The following DCTD variants were observed in gnomAD, a reference collection of about 807,000 sequenced individuals.
DCTD encodes dCMP deaminase.
DCTD carries 23 observed loss-of-function variants against 21.0 expected under a neutral mutation model. That is an observed-to-expected ratio of 1.09 (90% CI 0.79 to 1.55). The LOEUF is 1.55. Among genes scored for constraint, DCTD ranks in the 40% most tolerant of loss-of-function variants. The pLI is 0.00. For missense variants in DCTD, 224 were observed against 230.0 expected (o/e 0.97, Z 0.17); for synonymous variants, 71 against 81.1 (o/e 0.88, Z 0.67).
chr4:182,892,924 C>T (rs1243236896), intron 5 of DCTD, 107 bp downstream of exon 5: 1 of 701,682 alleles, frequency 1.4e-6, no homozygotes, highest in Non-Finnish European at 2.6e-6. Context: ...TCTAAAGACA[C>T]CTCCAAGTGT....
chr4:182,908,699 A>C (rs1737160444), intron 3 of DCTD, among the ~76,000 whole-genome samples: 1 of 150,504 alleles, frequency 6.6e-6, no homozygotes, highest in East Asian at 2.0e-4. Context: ...AAAAAAAAAA[A>C]AAAAAAGAAG....
At chr4:182,902,628 G>A (rs975188642) in intron 3 of DCTD, among the ~76,000 whole-genome samples, 9 of 152,250 alleles carry the variant, frequency 5.9e-5, no homozygotes, top group Non-Finnish European at 8.8e-5. Flanking sequence ...CAGGACTGGA[G>A]CAAGAAAATA....
At chr4:182,912,610 T>A (rs1737903302) in intron 3 of DCTD, among the ~76,000 whole-genome samples, 2 of 152,292 alleles carry the variant, frequency 1.3e-5, no homozygotes, top group African/African-American at 2.4e-5. Flanking sequence ...TGCAGGTTTT[T>A]AAAAAAATTC....
At chr4:182,897,816 A>G (rs1388439131) in intron 3 of DCTD, among the ~76,000 whole-genome samples, 1 of 152,146 alleles carries the variant, frequency 6.6e-6, no homozygotes, top group Non-Finnish European at 1.5e-5. Context: ...TGAGGCCGCA[A>G]CCCAGCCCTG....
intron 3 of DCTD, 46 bp from the exon 4 acceptor site, chr4:182,894,651 T>C: frequency 8.2e-7 from 1 of 1,224,146 alleles, no homozygotes; most frequent in Non-Finnish European, 1.2e-6. Flanking sequence ...TTGCAGCTCA[T>C]GAAGAATTTA....
intron 3 of DCTD, among the ~76,000 whole-genome samples, chr4:182,900,998 T>A (rs78405737): frequency 4.6e-5 from 7 of 152,202 alleles, no homozygotes; most frequent in African/African-American, 1.2e-4. Flanking sequence ...ATCCTTACTG[T>A]CTCATGTAGG....
At chr4:182,912,555 G>A (rs1228987146) in intron 3 of DCTD, among the ~76,000 whole-genome samples, 3 of 152,270 alleles carry the variant, frequency 2.0e-5, no homozygotes, top group East Asian at 3.9e-4. Flanking sequence ...AGGAGCTCAG[G>A]AGCTATTCAA....
At chr4:182,912,445 A>G (rs1361864363) in intron 3 of DCTD, among the ~76,000 whole-genome samples, 1 of 152,228 alleles carries the variant, frequency 6.6e-6, no homozygotes, top group East Asian at 1.9e-4. Flanking sequence ...TAACACAGCT[A>G]CATATAAATG....
At chr4:182,892,157 C>T (rs557273245) in intron 5 of DCTD, among the ~76,000 whole-genome samples, 21 of 152,236 alleles carry the variant, frequency 1.4e-4, no homozygotes, top group African/African-American at 5.1e-4. Context: ...TCCCTAATGA[C>T]CAGCACAAGG....
chr4:182,917,139 C>A lies in DCTD; in HGVS notation c.-8+172G>T, dbSNP rs146503198. The A allele has an allele frequency of 3.6e-3, 3,597 of 987,864 alleles. 91 individuals carry two copies. In the African/African-American group the frequency reaches 0.056, roughly 15 times the overall value. 61.2% of individuals were successfully genotyped at this position (987,864 alleles called of 1,614,324 possible). ...TGCGGGGACCCCGAGCGCCCCCACC[C>A]CGCCCGCATTCTCCGATCTAAAGGC... is the stretch of plus-strand genomic sequence containing the variant. On this transcript the variant is annotated intron_variant, in intron 1 of 5. Transcript: ENST00000438320. The surrounding 1 kb of genome is among the most constrained non-coding windows in gnomAD (Gnocchi z 4.9).
intron 3 of DCTD, among the ~76,000 whole-genome samples, chr4:182,908,194 T>C (rs1481964800): frequency 2.0e-5 from 3 of 151,968 alleles, no homozygotes; most frequent in African/African-American, 7.3e-5. Flanking sequence ...TGAAGGGAGA[T>C]TCCGGATTAA....
intron 3 of DCTD, among the ~76,000 whole-genome samples, chr4:182,908,703 A>AAAAAAG (rs1561339276): frequency 7.4e-6 from 1 of 134,846 alleles, no homozygotes; most frequent in African/African-American, 2.8e-5. Flanking sequence ...AAAAAAAAAA[A>AAAAAAG]AAGAAGAAGA....
At chr4:182,895,416 T>C (rs1215948196) in intron 3 of DCTD, among the ~76,000 whole-genome samples, 1 of 152,202 alleles carries the variant, frequency 6.6e-6, no homozygotes, top group Non-Finnish European at 1.5e-5. Flanking sequence ...TAAATGGCAA[T>C]GACTAGTTGA....
rs1258806042 is a variant in DCTD at position 182,917,386 on chromosome 4, G to A, written c.-83C>T. On this transcript the variant is annotated 5_prime_UTR_variant, in exon 1 of 6. Coordinates refer to ENST00000438320, the MANE Select transcript of DCTD (RefSeq NM_001921.3). The surrounding 1 kb of genome is among the most constrained non-coding windows in gnomAD (Gnocchi z 4.9). Reference sequence around the variant, plus strand: ...GTGCTCAGGGAAGGAAGTCGGGGGAGGAGGCGGGGCCGCCGCGGGGCCGGA... The same window carrying A: ...GTGCTCAGGGAAGGAAGTCGGGGGAAGAGGCGGGGCCGCCGCGGGGCCGGA... 1 of 1,087,230 alleles carries A rather than the reference G, an allele frequency of 9.2e-7. No individual in the cohort carries two copies. Among genetic ancestry groups the A allele is most frequent in the Non-Finnish European group, 1.1e-6 (1 of 895,642 alleles). 67.3% of individuals were successfully genotyped at this position (1,087,230 alleles called of 1,614,324 possible). A position where few individuals can be genotyped will look rare whatever the true frequency, so the allele number is the denominator to read the frequency against.
Position 182,917,060 on chromosome 4 carries a change from G to A in DCTD, c.-8+251C>T. ...CACCACCTCCCGGGGCACTCCAAGG[G>A]GCCCGGCCTCGCACAGGCCGCGGCG... On this transcript the variant is annotated intron_variant, in intron 1 of 5. Coordinates refer to ENST00000438320, the MANE Select transcript of DCTD (RefSeq NM_001921.3). The surrounding 1 kb of genome is among the most constrained non-coding windows in gnomAD (Gnocchi z 4.9). The A allele has an allele frequency of 1.0e-6, 1 of 987,198 alleles. No homozygotes were observed. Among genetic ancestry groups the A allele is most frequent in the Non-Finnish European group, 1.2e-6 (1 of 831,236 alleles). 61.2% of individuals were successfully genotyped at this position (987,198 alleles called of 1,614,324 possible).
At chr4:182,915,909 CAGG>C (rs1295923603) in intron 1 of DCTD, 5 of 1,091,998 alleles carry the variant, frequency 4.6e-6, no homozygotes, top group Admixed American at 4.6e-5. Context: ...GGAGTCAGCA[CAGG>C]AGGAGGGTGG....
At position 182,891,402 on chromosome 4, in the gene DCTD, C is replaced by A; in HGVS notation, c.534G>T (p.Gln178His). 6.2e-7 allele frequency: 1 copy of A among 1,604,286 alleles called. No individual in the cohort carries two copies. Among genetic ancestry groups the A allele is most frequent in the Non-Finnish European group, 8.5e-7 (1 of 1,171,124 alleles). The change falls in exon 6 of 6, where the codon CAG becomes CAT. Residue 178 changes from glutamine to histidine, a missense_variant. Coordinates refer to ENST00000438320, the MANE Select transcript of DCTD (RefSeq NM_001921.3). The stretch of plus-strand genomic sequence containing the variant: ...TGGAGATTGAATGAGATGTAACTCA[C>A]TGAAGCTTTTGACTCGGTCTGCTGT... ...SINSRPSQKL[Q>H]
rs1733666150 is a variant in DCTD, at chr4:182,891,138, G to A, written c.*261C>T. 2.7e-6 allele frequency: 1 copy of A among 369,302 alleles called. No homozygotes were observed. Among genetic ancestry groups the A allele is most frequent in the Non-Finnish European group, 4.9e-6 (1 of 205,514 alleles). The allele number at this position is 369,302 out of a possible 1,614,324, so 22.9% of individuals were successfully genotyped here. A position where few individuals can be genotyped will look rare whatever the true frequency, so the allele number is the denominator to read the frequency against. On this transcript the variant is annotated 3_prime_UTR_variant, in exon 6 of 6. Transcript: ENST00000438320. ...ATCCCAGCCAGCCAGGACACAAGAA[G>A]GGGAGGCACTCTCGTTCTAGCCCTG...
intron 4 of DCTD, among the ~76,000 whole-genome samples, chr4:182,893,517 T>G (rs1734185505): frequency 6.6e-6 from 1 of 152,268 alleles, no homozygotes. Context: ...TGGGCACCAC[T>G]GTGCTTCCCA....
Sources: allele counts gnomAD v4.1 joint callset (sites outside exome capture counted in the v4.1 genomes callset), GRCh38; gene constraint gnomAD v4.1.1; non-coding constraint Gnocchi (gnomAD v3.1); transcripts MANE v1.5; gene names NCBI Gene and HGNC (gene_info 2026-07-23, HGNC 2026-07-21).